The following ATP8B1 variants were observed in gnomAD, a reference collection of about 807,000 sequenced individuals.
ATP8B1 encodes the protein phospholipid-transporting ATPase IC.
In ATP8B1, 80 loss-of-function variants were observed where a neutral mutation model predicts 149.9. The ratio of observed to expected loss-of-function variants is 0.53; its 90% CI spans 0.45 to 0.64. ATP8B1 has a LOEUF of 0.64. Ranked by LOEUF, ATP8B1 falls within the 30% of genes least tolerant of loss-of-function variation. ATP8B1 has a pLI of 0.00. For synonymous variants in ATP8B1, 536 were observed against 562.8 expected (o/e 0.95, Z 0.67); for missense variants, 1,247 against 1,552.6 (o/e 0.80, Z 3.31).
chr18:57,697,696 A>C lies in ATP8B1; in HGVS notation c.628-8T>G. ...CAGCAGGAGAATGTCAGCCTGTCCA[A>C]AACAAAACACACAAATAACACCGAG... is the stretch of plus-strand genomic sequence containing the variant. On this transcript the variant is annotated splice_region_variant and splice_polypyrimidine_tract_variant and intron_variant, in intron 7 of 27. Coordinates refer to ENST00000648908, the MANE Select transcript of ATP8B1 (RefSeq NM_001374385.1). 6.2e-7 allele frequency: 1 copy of C among 1,614,106 alleles called. No homozygotes were observed. Among genetic ancestry groups the C allele is most frequent in the Non-Finnish European group, 8.5e-7 (1 of 1,180,022 alleles).
intron 14 of ATP8B1, among the ~76,000 whole-genome samples, 155 bp downstream of exon 14, chr18:57,684,917 C>T (rs900429185): frequency 1.2e-4 from 18 of 152,290 alleles, no homozygotes; most frequent in Middle Eastern, 3.4e-3. Context: ...GTTTCCAAGT[C>T]TCCAAGCCAA....
chr18:57,699,916 T>G (rs1913036111), intron 6 of ATP8B1, among the ~76,000 whole-genome samples: 1 of 152,134 alleles, frequency 6.6e-6, no homozygotes, highest in Non-Finnish European at 1.5e-5. Context: ...TGGGTTGCCT[T>G]GAATTTGGAA....
intron 2 of ATP8B1, among the ~76,000 whole-genome samples, chr18:57,720,918 C>T (rs1028084347): frequency 3.3e-5 from 5 of 150,500 alleles, no homozygotes; most frequent in African/African-American, 1.2e-4. Context: ...CCCTACAAGC[C>T]AGAAGAGAGT....
intron 9 of ATP8B1, 32 bp downstream of exon 9, chr18:57,695,418 T>A: frequency 6.2e-7 from 1 of 1,601,088 alleles, no homozygotes; most frequent in Non-Finnish European, 8.6e-7. Context: ...CAACTAAAAT[T>A]TAAAGCAAAG....
In ATP8B1 at chr18:57,701,203, AG is replaced by A; in HGVS notation, c.492+11del. ...AAAGCAATGAGTAGAACGTTGTATG[AG>A]AAATCCTCACCACATCGTCCACCAG... On this transcript the variant is annotated intron_variant, in intron 5 of 27. Coordinates refer to ENST00000648908, the MANE Select transcript of ATP8B1 (RefSeq NM_001374385.1). 1 of 1,613,830 alleles carries A rather than the reference AG, an allele frequency of 6.2e-7. No homozygotes were observed. Among genetic ancestry groups the A allele is most frequent in the Non-Finnish European group, 8.5e-7 (1 of 1,179,672 alleles).
At chr18:57,688,643 A>G in intron 12 of ATP8B1, 136 bp from the exon 13 acceptor site, 3 of 915,616 alleles carry the variant, frequency 3.3e-6, no homozygotes, top group Non-Finnish European at 5.2e-6. Context: ...TCCCCCTCCA[A>G]ATTCATATGT....
intron 17 of ATP8B1, among the ~76,000 whole-genome samples, chr18:57,669,863 G>A (rs1217440919): frequency 6.6e-6 from 1 of 152,036 alleles, no homozygotes; most frequent in Non-Finnish European, 1.5e-5. Context: ...TGCTGGTCTT[G>A]AACTCACGAG....
chr18:57,763,321 G>A (rs1240467224), intron 1 of ATP8B1, among the ~76,000 whole-genome samples: 1 of 152,060 alleles, frequency 6.6e-6, no homozygotes, highest in East Asian at 1.9e-4. Context: ...GAACCTGGGA[G>A]GCGGAGATTG....
chr18:57,687,858 C>G (rs1048649192), intron 13 of ATP8B1, among the ~76,000 whole-genome samples: 4 of 145,546 alleles, frequency 2.7e-5, no homozygotes, highest in Non-Finnish European at 6.0e-5. Flanking sequence ...CAGCTCACTG[C>G]AACCTCTGCC....
At chr18:57,703,671 C>T (rs962920062) in intron 4 of ATP8B1, among the ~76,000 whole-genome samples, 1 of 151,900 alleles carries the variant, frequency 6.6e-6, no homozygotes, top group Non-Finnish European at 1.5e-5. Context: ...TTGATTCTGG[C>T]GCTAACTAGT....
At chr18:57,682,946 C>T (rs1426117623) in intron 15 of ATP8B1, among the ~76,000 whole-genome samples, 1 of 151,968 alleles carries the variant, frequency 6.6e-6, no homozygotes, top group Admixed American at 6.6e-5. Flanking sequence ...TCAAGCGATC[C>T]CCACCTGAGT....
intron 11 of ATP8B1, among the ~76,000 whole-genome samples, chr18:57,693,736 A>AT (rs1365296051): frequency 2.0e-5 from 3 of 151,848 alleles, no homozygotes; most frequent in African/African-American, 7.3e-5. Context: ...AATAATAATA[A>AT]AAAAACTCAT....
rs777864999 is a variant in ATP8B1 at position 57,648,467 on chromosome 18, TC to T, written c.*20del. On this transcript the variant is annotated 3_prime_UTR_variant, in exon 28 of 28. Coordinates refer to ENST00000648908, the MANE Select transcript of ATP8B1 (RefSeq NM_001374385.1). ...AAAATAGACGTGCTTTGTGGCCGCATCCCAGCCTGGGGGTAAGGGATCAGCT... is the reference window on the plus strand; with the variant it reads ...AAAATAGACGTGCTTTGTGGCCGCATCCAGCCTGGGGGTAAGGGATCAGCT... 15 of 1,610,668 alleles carry T rather than the reference TC, an allele frequency of 9.3e-6. No individual in the cohort carries two copies. Among genetic ancestry groups the T allele is most frequent in the Non-Finnish European group, 1.2e-5 (14 of 1,179,784 alleles).
intron 1 of ATP8B1, among the ~76,000 whole-genome samples, chr18:57,776,354 A>G (rs1010738219): frequency 6.6e-6 from 1 of 152,242 alleles, no homozygotes; most frequent in East Asian, 1.9e-4. Context: ...ATGTGAGTTC[A>G]CGTGAATTAG....
intron 1 of ATP8B1, among the ~76,000 whole-genome samples, chr18:57,756,303 A>ATATATATATATATATATATG (rs1210252268): frequency 2.6e-5 from 3 of 113,430 alleles, no homozygotes; most frequent in Non-Finnish European, 5.5e-5. Context: ...GTGTGTATGT[A>ATATATATATATATATATATG]TATATATATA....
In ATP8B1 at chr18:57,688,321, G is replaced by A. The variant is rs769652343; in HGVS notation, c.1407C>T (p.Cys469=). 6.2e-7 allele frequency: 1 copy of A among 1,614,124 alleles called. No homozygotes were observed. Among genetic ancestry groups the A allele is most frequent in the Admixed American group, 1.7e-5 (1 of 60,018 alleles). The change falls in exon 13 of 28, where the codon TGC becomes TGT. Residue 469 remains cysteine, a synonymous_variant. Coordinates refer to ENST00000648908, the MANE Select transcript of ATP8B1 (RefSeq NM_001374385.1). ...LTQNIMTFKK[C]CINGQIYGDH... is the part of the protein sequence containing the mutation. ...TACCATATATCTGCCCGTTGATACAGCACTTTTTAAAGGTCATGATATTTT... is the reference window on the plus strand; with the variant it reads ...TACCATATATCTGCCCGTTGATACAACACTTTTTAAAGGTCATGATATTTT...
chr18:57,735,553 C>G (rs2079841574), intron 1 of ATP8B1: 1 of 152,420 alleles, frequency 6.6e-6, no homozygotes, highest in Non-Finnish European at 1.5e-5. Flanking sequence ...TTGGAAGTGG[C>G]CCACCACCAT....
rs1315352983 is a variant in ATP8B1 at position 57,684,053 on chromosome 18, A to G, written c.1613T>C (p.Met538Thr). The G allele has an allele frequency of 6.2e-6, 10 of 1,614,180 alleles. No homozygotes were observed. The highest frequency in any genetic ancestry group is 8.5e-6 in the Non-Finnish European group (10 of 1,180,026). Residue 538 changes from methionine to threonine, a missense_variant, in exon 15 of 28, where the codon ATG becomes ACG. Physicochemically the swap from Met to Thr is moderately conservative, Grantham distance 81 (BLOSUM62 -1). This residue lies in a region of ATP8B1 where 853 missense variants were observed against 1,035.7 expected (regional missense o/e 0.82). Coordinates refer to ENST00000648908, the MANE Select transcript of ATP8B1 (RefSeq NM_001374385.1). The part of the protein sequence containing the change: ...FFLLAVCHTV[M>T]VDRTDGQLNY... ...ACACTCACCATCAGTCCTATCCACC[A>G]TGACTGTGTGGCAAACTGCGAGCAA... is the stretch of plus-strand genomic sequence containing the variant.
chr18:57,667,110 C>G lies in ATP8B1; in HGVS notation c.2267G>C (p.Cys756Ser). Residue 756 changes from cysteine to serine, a missense_variant, in exon 20 of 28, where the codon TGC (cysteine) becomes TCC (serine). Cys to Ser is a moderately radical substitution (Grantham distance 112, BLOSUM62 -1). Around this residue, in one of 3 missense-constraint regions of ATP8B1, gnomAD observed 853 missense variants for 1,035.7 expected, o/e 0.82. Transcript: ENST00000648908. ...CELLTEDTTI[C>S]YGEDINSLLH... The stretch of plus-strand genomic sequence containing the variant: ...TACTCACTTAATATCCTCCCCATAG[C>G]AGATGGTGGTGTCTTCAGTCAGAAG... 6.2e-7 allele frequency: 1 copy of G among 1,612,960 alleles called. No homozygotes were observed. The highest frequency in any genetic ancestry group is 8.5e-7 in the Non-Finnish European group (1 of 1,178,878).
Sources: allele counts gnomAD v4.1 joint callset (sites outside exome capture counted in the v4.1 genomes callset), GRCh38; gene constraint gnomAD v4.1.1; regional missense constraint gnomAD v4.1.1; transcripts MANE v1.5; gene names NCBI Gene and HGNC (gene_info 2026-07-23, HGNC 2026-07-21).